CPHXL: variants seen among roughly 807,000 people sequenced by gnomAD.
The protein encoded by CPHXL is cytoplasmic polyadenylated homeobox like.
At chr16:75,725,751 G>A (rs930249576) in intron 1 of CPHXL, among the ~76,000 whole-genome samples, 3 of 103,182 alleles carry the variant, frequency 2.9e-5, no homozygotes, top group South Asian at 9.1e-4. Context: ...CGTGCCCGGC[G>A]TCTTTTTTTT....
rs904833557 is a variant in CPHXL at position 75,714,400 on chromosome 16, A to G, written c.1042T>C (p.Ser348Pro). 29 of 398,544 alleles carry G rather than the reference A, an allele frequency of 7.3e-5. No individual in the cohort carries two copies. Among genetic ancestry groups the G allele is most frequent in the African/African-American group, 3.1e-4 (15 of 48,704 alleles). The allele number at this position is 398,544 out of a possible 1,614,324, so 24.7% of individuals were successfully genotyped here. The change falls in exon 3 of 3, where the codon TCC becomes CCC. Residue 348 changes from serine to proline, a missense_variant. By Grantham distance (74) the Ser-to-Pro change is moderately conservative (BLOSUM62 -1). Transcript: ENST00000640559. ...SGPWDLGKQW[S>P]SAQSQLQSQL... ...CTCTGCAGCTGTGACTGAGCCGAGG[A>G]CCACTGCTTCCCTAGATCCCAAGGA...
intron 2 of CPHXL, among the ~76,000 whole-genome samples, chr16:75,717,310 T>A (rs990983036): frequency 6.6e-6 from 1 of 152,258 alleles, no homozygotes; most frequent in Admixed American, 6.5e-5. Context: ...ACTATTTTCT[T>A]ATGCGATGAA....
Position 75,714,595 on chromosome 16 carries a change from C to T in CPHXL, c.847G>A (p.Ala283Thr), listed in dbSNP as rs1014646632. The change falls in exon 3 of 3, where the codon GCT becomes ACT. Residue 283 changes from alanine (A) to threonine (T), a missense_variant. Transcript: ENST00000640559. ...QHASPFLLDY[A>T]QGAYGVKKDH... is the part of the protein sequence containing the mutation. ...TTCTTCACCCCATATGCACCTTGAGCGTAATCCAAAAGGAAAGGACTTGCA... is the reference window on the plus strand; with the variant it reads ...TTCTTCACCCCATATGCACCTTGAGTGTAATCCAAAAGGAAAGGACTTGCA... 18 of 398,496 alleles carry T rather than the reference C, an allele frequency of 4.5e-5. No homozygotes were observed. Among genetic ancestry groups the T allele is most frequent in the Non-Finnish European group, 7.5e-5 (17 of 226,078 alleles). 24.7% of individuals were successfully genotyped at this position (398,496 alleles called of 1,614,324 possible). A position where few individuals can be genotyped will look rare whatever the true frequency, so the allele number is the denominator to read the frequency against.
chr16:75,716,851 T>C (rs966036828), intron 2 of CPHXL, among the ~76,000 whole-genome samples: 9 of 152,200 alleles, frequency 5.9e-5, no homozygotes, highest in African/African-American at 1.9e-4. Flanking sequence ...CTCTCAGATT[T>C]ATATCTTAGC....
rs568359870 is a variant in CPHXL, at chr16:75,724,247, T to C, written c.25+2171A>G. Among the ~76,000 whole-genome samples the C allele has an allele frequency of 8.6e-3, 1,308 of 152,236 alleles. 13 individuals carry two copies. Among genetic ancestry groups the C allele is most frequent in the Non-Finnish European group, 0.014 (970 of 68,012 alleles). ...TTCATGTCTAAAACACCAAAAGCAA[T>C]GGCAACGAAAGCCAAAATTGACAAA... On this transcript the variant is annotated intron_variant, in intron 1 of 2. Transcript: ENST00000640559.
At chr16:75,724,978 A>G (rs1480462357) in intron 1 of CPHXL, among the ~76,000 whole-genome samples, 1 of 152,184 alleles carries the variant, frequency 6.6e-6, no homozygotes. Flanking sequence ...CTTTGTAGGG[A>G]CATGGATGAA....
chr16:75,722,264 C>A (rs1959488704), intron 1 of CPHXL, among the ~76,000 whole-genome samples: 1 of 151,744 alleles, frequency 6.6e-6, no homozygotes, highest in African/African-American at 2.4e-5. Context: ...CAGAGCAGAA[C>A]TGAAGGAAAT....
intron 2 of CPHXL, among the ~76,000 whole-genome samples, chr16:75,715,688 GT>G (rs760267673): frequency 2.0e-5 from 3 of 151,702 alleles, no homozygotes; most frequent in South Asian, 4.2e-4. Context: ...ACACATTTCT[GT>G]TCCTTTTCTT....
At chr16:75,725,789 A>G (rs1597224176) in intron 1 of CPHXL, among the ~76,000 whole-genome samples, 1 of 88,674 alleles carries the variant, frequency 1.1e-5, no homozygotes, top group Non-Finnish European at 2.0e-5. Context: ...TTTTTAGGCA[A>G]CCTTGCTATG....
At chr16:75,718,849 C>T (rs765310914) in intron 1 of CPHXL, among the ~76,000 whole-genome samples, 2 of 152,106 alleles carry the variant, frequency 1.3e-5, no homozygotes, top group African/African-American at 2.4e-5. Context: ...AAAATTAGAA[C>T]TAATTGCAGA....
intron 2 of CPHXL, among the ~76,000 whole-genome samples, chr16:75,716,786 T>C (rs1170276983): frequency 6.6e-6 from 1 of 152,228 alleles, no homozygotes; most frequent in Non-Finnish European, 1.5e-5. Flanking sequence ...TTTCCAGCTT[T>C]CATCCTGAAG....
At chr16:75,721,555 A>C (rs948227892) in intron 1 of CPHXL, among the ~76,000 whole-genome samples, 1 of 152,228 alleles carries the variant, frequency 6.6e-6, no homozygotes, top group Non-Finnish European at 1.5e-5. Flanking sequence ...AAAGCTAACT[A>C]TCCTAAATAT....
At chr16:75,719,151 C>G (rs1027503203) in intron 1 of CPHXL, among the ~76,000 whole-genome samples, 4 of 151,964 alleles carry the variant, frequency 2.6e-5, no homozygotes, top group Non-Finnish European at 5.9e-5. Flanking sequence ...ATAGGAACAG[C>G]TACAGTCTAC....
chr16:75,715,894 C>T (rs373650606), intron 2 of CPHXL, among the ~76,000 whole-genome samples: 2 of 151,936 alleles, frequency 1.3e-5, no homozygotes, highest in African/African-American at 2.4e-5. Flanking sequence ...GACGGGGTTT[C>T]GCTATGTTGG....
chr16:75,725,753 CTTTTTTTT>C lies in CPHXL; in HGVS notation c.25+657_25+664del, dbSNP rs35659823. ...AGGAGTGAGCCACCGTGCCCGGCGT[CTTTTTTTT>C]TTTTTTTTTTTTTTTTTTTTTTAGG... is the stretch of plus-strand genomic sequence containing the variant. On this transcript the variant is annotated intron_variant, in intron 1 of 2. Coordinates refer to ENST00000640559, the MANE Select transcript of CPHXL (RefSeq NM_001355613.1). Among the ~76,000 whole-genome samples the C allele has an allele frequency of 9.7e-4, 42 of 43,320 alleles. 1 individual carries two copies. In the East Asian group the frequency reaches 0.035, roughly 36 times the overall value. The allele number at this position is 43,320 out of a possible 152,430, so 28.4% of individuals were successfully genotyped here. A position where few individuals can be genotyped will look rare whatever the true frequency, so the allele number is the denominator to read the frequency against.
At chr16:75,726,354 G>A (rs1436182930) in intron 1 of CPHXL, 64 bp downstream of exon 1, 3 of 398,390 alleles carry the variant, frequency 7.5e-6, no homozygotes, top group Non-Finnish European at 4.4e-6. Context: ...TTTAAACTTT[G>A]ACACACTATT....
Position 75,714,775 on chromosome 16 carries a change from C to A in CPHXL, c.667G>T (p.Gly223Trp), listed in dbSNP as rs549921567. The A allele has an allele frequency of 3.5e-5, 14 of 398,680 alleles. No homozygotes were observed. In the South Asian group the frequency reaches 1.8e-3, roughly 51 times the overall value. 24.7% of individuals were successfully genotyped at this position (398,680 alleles called of 1,614,324 possible). A position where few individuals can be genotyped will look rare whatever the true frequency, so the allele number is the denominator to read the frequency against. Reference sequence around the variant, plus strand: ...CCACTTCCTGTGTCACCTCCATACCCCATAGCACAGCCTGGATGCTTTTCA... The same window carrying A: ...CCACTTCCTGTGTCACCTCCATACCACATAGCACAGCCTGGATGCTTTTCA... ...GTEKHPGCAMGYGGDTGSGHS... is the reference protein window; with the variant it reads ...GTEKHPGCAMWYGGDTGSGHS... Residue 223 changes from glycine to tryptophan, a missense_variant, in exon 3 of 3, where the codon GGG becomes TGG. Coordinates refer to ENST00000640559, the MANE Select transcript of CPHXL (RefSeq NM_001355613.1).
chr16:75,725,753 CTTTTTTTTTTTTTTTTTTTTTT>C (rs35659823), intron 1 of CPHXL, among the ~76,000 whole-genome samples: 2 of 43,294 alleles, frequency 4.6e-5, no homozygotes, highest in African/African-American at 2.0e-4. Flanking sequence ...TGCCCGGCGT[CTTTTTTTTTTTTTTTTTTTTTT>C]TTTTTTTTAG....
chr16:75,726,037 GAA>G (rs1311842621), intron 1 of CPHXL, among the ~76,000 whole-genome samples: 1 of 151,114 alleles, frequency 6.6e-6, no homozygotes. Context: ...GAAAATTAAT[GAA>G]AATTAATGAA....
Sources: allele counts gnomAD v4.1 joint callset (sites outside exome capture counted in the v4.1 genomes callset), GRCh38; gene constraint gnomAD v4.1.1; transcripts MANE v1.5; gene names NCBI Gene and HGNC (gene_info 2026-07-23, HGNC 2026-07-21).